Variants in KIAA0319 observed in about 807,000 individuals in gnomAD.
The protein encoded by KIAA0319 is KIAA0319, also known as dyslexia-associated protein KIAA0319.
A neutral mutation model predicts 108.4 loss-of-function variants in KIAA0319; 83 were observed. That is an observed-to-expected ratio of 0.77 (90% confidence interval 0.64 to 0.92). The LOEUF (loss-of-function observed/expected upper bound fraction) is 0.92. Ranked by LOEUF, KIAA0319 falls within the 40% of genes least tolerant of loss-of-function variation. The pLI is 0.00. For synonymous variants in KIAA0319, 484 were observed against 510.4 expected, an observed-to-expected ratio of 0.95 and a Z score of 0.70; for missense variants, 1,195 against 1,322.4, an observed-to-expected ratio of 0.90 and a Z score of 1.49.
chr6:24,593,797 C>T (rs1768933785), intron 3 of KIAA0319, among the ~76,000 whole-genome samples: 1 of 151,938 alleles, frequency 6.6e-6, no homozygotes. Flanking sequence ...TCTGTATAAA[C>T]CAGGAAGTAA....
intron 1 of KIAA0319, among the ~76,000 whole-genome samples, chr6:24,605,599 C>T (rs775050881): frequency 6.6e-6 from 1 of 152,096 alleles, no homozygotes; most frequent in Non-Finnish European, 1.5e-5. Context: ...CAAAATAGAA[C>T]TTTTAAAATA....
intron 1 of KIAA0319, among the ~76,000 whole-genome samples, chr6:24,629,507 T>A (rs1347727963): frequency 2.5e-4 from 4 of 15,996 alleles, no homozygotes; most frequent in African/African-American, 1.6e-3. Flanking sequence ...AGAGTGAGAC[T>A]CTGTCTCAAA....
In KIAA0319 at chr6:24,588,561, CATTTCTTGAAATTGTATTTTTTAAAA is replaced by C; in HGVS notation, c.994+6_994+31del. 1 of 1,576,770 alleles carries C rather than the reference CATTTCTTGAAATTGTATTTTTTAAAA, an allele frequency of 6.3e-7. No homozygotes were observed. The highest frequency in any genetic ancestry group is 8.7e-7 in the Non-Finnish European group (1 of 1,147,850). On this transcript the variant is annotated splice_donor_region_variant and intron_variant, in intron 4 of 20. Transcript: ENST00000378214. ...CAAATTCTACAGCCTGTCTTCAGTA[CATTTCTTGAAATTGTATTTTTTAAAA>C]GTTACCTGTCCTGGGAGCAGTGGTA...
At chr6:24,577,321 C>A (rs1287908585) in intron 9 of KIAA0319, among the ~76,000 whole-genome samples, 2 of 152,194 alleles carry the variant, frequency 1.3e-5, no homozygotes, top group Non-Finnish European at 2.9e-5. Context: ...AGCTACAAAG[C>A]TTTTTACTTT....
chr6:24,578,036 T>A, intron 9 of KIAA0319, 74 bp downstream of exon 9: 1 of 1,460,966 alleles, frequency 6.8e-7, no homozygotes, highest in Non-Finnish European at 9.2e-7. Flanking sequence ...GTGCAGTGTT[T>A]TATGTGCGTT....
chr6:24,556,118 T>C (rs1239022147), intron 18 of KIAA0319, among the ~76,000 whole-genome samples: 1 of 152,056 alleles, frequency 6.6e-6, no homozygotes, highest in Non-Finnish European at 1.5e-5. Context: ...GCTAGGCAGA[T>C]AGTTCTCTTT....
intron 1 of KIAA0319, among the ~76,000 whole-genome samples, chr6:24,618,305 G>A (rs1773441455): frequency 1.3e-5 from 2 of 152,028 alleles, no homozygotes; most frequent in South Asian, 2.1e-4. Flanking sequence ...AGACAAACCA[G>A]AACGTACAAT....
Position 24,579,892 on chromosome 6 carries a change from A to G in KIAA0319, c.1338T>C (p.Thr446=). ...CAATGAGGGCTGACGTCAAAGGCAA[A>G]GTGAGCTCTTGCAGTTGGGGAGAAA... is the stretch of plus-strand genomic sequence containing the variant. ...AVVSPQLQEL[T]LPLTSALIDG... is the part of the protein sequence containing the mutation. The change falls in exon 8 of 21, where the codon ACT becomes ACC. Residue 446 remains threonine (T), a synonymous_variant. Coordinates refer to ENST00000378214, the MANE Select transcript of KIAA0319 (RefSeq NM_014809.4). 2 of 1,604,716 alleles carry G rather than the reference A, an allele frequency of 1.2e-6. No individual in the cohort carries two copies. Among genetic ancestry groups the G allele is most frequent in the Non-Finnish European group, 1.7e-6 (2 of 1,175,130 alleles).
intron 1 of KIAA0319, among the ~76,000 whole-genome samples, chr6:24,626,029 G>A (rs763708256): frequency 3.9e-5 from 6 of 152,088 alleles, no homozygotes; most frequent in Non-Finnish European, 5.9e-5. Context: ...AAAAAGGAAC[G>A]GCATATCTAC....
At chr6:24,643,412 C>G (rs1170622477) in intron 1 of KIAA0319, among the ~76,000 whole-genome samples, 2 of 152,126 alleles carry the variant, frequency 1.3e-5, no homozygotes, top group Non-Finnish European at 2.9e-5. Flanking sequence ...TGCACTTGTA[C>G]ACTCTAAATC....
chr6:24,580,999 A>G lies in KIAA0319; in HGVS notation c.1206T>C (p.Leu402=). 1 of 1,609,670 alleles carries G rather than the reference A, an allele frequency of 6.2e-7. No homozygotes were observed. The highest frequency in any genetic ancestry group is 1.7e-4 in the Middle Eastern group (1 of 6,052). ...TLNLSQLSVG[L]YVFKVTVSSE... is the part of the protein sequence containing the mutation. The stretch of plus-strand genomic sequence containing the variant: ...TAGAAACAGTGACTTTGAAGACATA[A>G]AGTCCGACGGACAACTGTAACATAA... The change falls in exon 7 of 21, where the codon CTT becomes CTC. Residue 402 remains leucine (L), a synonymous_variant. Coordinates refer to ENST00000378214, the MANE Select transcript of KIAA0319 (RefSeq NM_014809.4).
At chr6:24,640,288 T>G (rs9366576) in intron 1 of KIAA0319, among the ~76,000 whole-genome samples, 106,544 of 151,656 alleles carry the variant, frequency 0.7, 37,968 homozygotes, top group East Asian at 0.87. Context: ...ATCAGGGAAA[T>G]AGAGATGAGA....
chr6:24,577,835 T>A (rs191774258), intron 9 of KIAA0319, among the ~76,000 whole-genome samples: 14 of 152,274 alleles, frequency 9.2e-5, no homozygotes, highest in African/African-American at 3.1e-4. Context: ...AGTAAGCTGC[T>A]CCAATAAGAT....
In KIAA0319 at chr6:24,576,455, A is replaced by C; in HGVS notation, c.1647T>G (p.Asn549Lys). ...GGTGATCGTCACTGCTCTGGTTTCCATTCAAAGTGATGGAGTTTTGGGGCA... is the reference window on the plus strand; with the variant it reads ...GGTGATCGTCACTGCTCTGGTTTCCCTTCAAAGTGATGGAGTTTTGGGGCA... ...ITLPQNSITL[N>K]GNQSSDDHQI... The change falls in exon 10 of 21, where the codon AAT becomes AAG. Residue 549 changes from asparagine to lysine, a missense_variant. Coordinates refer to ENST00000378214, the MANE Select transcript of KIAA0319 (RefSeq NM_014809.4). 1 of 1,614,162 alleles carries C rather than the reference A, an allele frequency of 6.2e-7. No individual in the cohort carries two copies. The highest frequency in any genetic ancestry group is 8.5e-7 in the Non-Finnish European group (1 of 1,180,034).
chr6:24,571,014 ACT>A (rs2127460909), intron 11 of KIAA0319, among the ~76,000 whole-genome samples: 1 of 151,828 alleles, frequency 6.6e-6, no homozygotes, highest in South Asian at 2.1e-4. Flanking sequence ...ACGTGGCGAA[ACT>A]CTGTGTTTCT....
intron 19 of KIAA0319, among the ~76,000 whole-genome samples, chr6:24,552,117 G>A (rs1030003130): frequency 1.3e-5 from 2 of 151,674 alleles, no homozygotes; most frequent in Admixed American, 6.6e-5. Context: ...GCCAAGGCAC[G>A]CAGAGAACAA....
At chr6:24,600,554 T>G (rs1374470527) in intron 2 of KIAA0319, 7 of 861,678 alleles carry the variant, frequency 8.1e-6, no homozygotes, top group Admixed American at 4.1e-5. Flanking sequence ...TGTGTTACAT[T>G]TGGACAAACT....
At chr6:24,565,613 C>T (rs371006713) in intron 14 of KIAA0319, among the ~76,000 whole-genome samples, 30 of 152,060 alleles carry the variant, frequency 2.0e-4, no homozygotes, top group East Asian at 1.2e-3. Context: ...ATTAGCTGGA[C>T]GTGGTGGCAC....
At chr6:24,577,132 C>T (rs1168026414) in intron 9 of KIAA0319, among the ~76,000 whole-genome samples, 4 of 152,120 alleles carry the variant, frequency 2.6e-5, no homozygotes, top group Non-Finnish European at 5.9e-5. Context: ...TAGTTCATAA[C>T]ATATTGATGT....
Sources: gnomAD v4.1 joint callset for allele counts (sites outside exome capture counted in the v4.1 genomes callset) on GRCh38, gnomAD v4.1.1 for gene constraint, MANE v1.5 for transcripts, NCBI Gene and HGNC (gene_info 2026-07-23, HGNC 2026-07-21) for gene names.